The following FARS2 variants were observed in gnomAD, a reference collection of about 807,000 sequenced individuals.
The protein encoded by FARS2 is phenylalanyl-tRNA synthetase 2, mitochondrial.
A neutral mutation model predicts 46.4 loss-of-function variants in FARS2; 40 were observed. That is an observed-to-expected ratio of 0.86 (90% confidence interval 0.67 to 1.12). FARS2 has a LOEUF of 1.12. FARS2 is among the 50% of genes most tolerant of loss of function. The pLI is 0.00. For missense variants in FARS2, 513 were observed against 567.9 expected (o/e 0.90, Z 0.98); for synonymous variants, 234 against 214.9 (o/e 1.09, Z -0.78).
intron 4 of FARS2, among the ~76,000 whole-genome samples, chr6:5,532,023 A>G (rs749486428): frequency 1.3e-4 from 20 of 152,244 alleles, no homozygotes; most frequent in Admixed American, 2.6e-4. Context: ...TGTGTATATT[A>G]CAGTCAAATC....
chr6:5,595,205 G>T (rs971006513), intron 5 of FARS2, among the ~76,000 whole-genome samples: 5 of 152,166 alleles, frequency 3.3e-5, no homozygotes, highest in African/African-American at 1.2e-4. Flanking sequence ...CTCTGAGTTT[G>T]ACCCTTTAGC....
intron 6 of FARS2, among the ~76,000 whole-genome samples, chr6:5,762,527 C>T (rs1762528615): frequency 6.6e-6 from 1 of 152,236 alleles, no homozygotes; most frequent in Non-Finnish European, 1.5e-5. Flanking sequence ...CAGGAGAAGT[C>T]ACAGGGAGTG....
chr6:5,667,813 A>G (rs1054540077), intron 6 of FARS2, among the ~76,000 whole-genome samples: 2 of 152,236 alleles, frequency 1.3e-5, no homozygotes, highest in African/African-American at 2.4e-5. Context: ...TTCTGGCTGC[A>G]TTTACAGTGG....
chr6:5,546,626 A>T (rs868343575), intron 5 of FARS2, among the ~76,000 whole-genome samples: 1 of 151,746 alleles, frequency 6.6e-6, no homozygotes, highest in Non-Finnish European at 1.5e-5. Flanking sequence ...AGACCATTTG[A>T]TCCTATGCCA....
chr6:5,496,861 T>C (rs540933257), intron 4 of FARS2, among the ~76,000 whole-genome samples: 27 of 152,298 alleles, frequency 1.8e-4, no homozygotes, highest in African/African-American at 6.5e-4. Flanking sequence ...TAATTTTATT[T>C]TTTTAGAGGT....
chr6:5,415,613 T>C (rs1436391793), intron 3 of FARS2, among the ~76,000 whole-genome samples: 1 of 151,936 alleles, frequency 6.6e-6, no homozygotes, highest in Non-Finnish European at 1.5e-5. Context: ...CACCGCTCCC[T>C]GCCTAATTTG....
At position 5,771,293 on chromosome 6, in the gene FARS2, C is replaced by T. The variant is rs372054960; in HGVS notation, c.1220C>T (p.Thr407Met). The part of the protein sequence containing the change: ...DLIDKFVHPK[T>M]HKTSHCYRIT... ...CTGTGTTCTCTTCCTCTCTGTAGGA[C>T]GCACAAGACCAGCCACTGCTACCGC... Residue 407 changes from threonine (T) to methionine (M), a missense_variant and splice_region_variant, in exon 7 of 7, where the codon ACG becomes ATG. Physicochemically the swap from Thr to Met is moderately conservative, Grantham distance 81. Transcript: ENST00000274680. The T allele has an allele frequency of 2.2e-5, 35 of 1,613,972 alleles. No homozygotes were observed. In the East Asian group the frequency reaches 2.2e-4, roughly 10 times the overall value.
intron 2 of FARS2, among the ~76,000 whole-genome samples, chr6:5,381,233 G>A (rs930662513): frequency 4.0e-5 from 6 of 151,832 alleles, no homozygotes; most frequent in Admixed American, 6.6e-5. Flanking sequence ...TCCTGACCTC[G>A]TTATCCGCCC....
At chr6:5,568,858 T>C (rs1228852050) in intron 5 of FARS2, among the ~76,000 whole-genome samples, 1 of 152,142 alleles carries the variant, frequency 6.6e-6, no homozygotes, top group African/African-American at 2.4e-5. Flanking sequence ...GAAGAAATGA[T>C]GTGATATCAT....
chr6:5,726,270 G>A (rs1040555455), intron 6 of FARS2, among the ~76,000 whole-genome samples: 15 of 152,044 alleles, frequency 9.9e-5, no homozygotes, highest in African/African-American at 3.1e-4. Flanking sequence ...CTGCCCACGC[G>A]TAGACTTGGG....
In FARS2 at chr6:5,474,229, C is replaced by T. The variant is rs74645435; in HGVS notation, c.904+43057C>T. Among the ~76,000 whole-genome samples, 763 of 152,300 alleles carry T rather than the reference C, an allele frequency of 5.0e-3. 4 individuals are homozygous for T. The highest frequency in any genetic ancestry group is 0.017 in the African/African-American group (722 of 41,566). On this transcript the variant is annotated intron_variant, in intron 4 of 6. Coordinates refer to ENST00000274680, the MANE Select transcript of FARS2 (RefSeq NM_006567.5). ...CTTCAGTAACCAGGGCCAGCCAGCA[C>T]GGTTTGTTCATTTGTTTGTTCATTA...
chr6:5,422,373 T>G (rs935869546), intron 3 of FARS2, among the ~76,000 whole-genome samples: 23 of 151,868 alleles, frequency 1.5e-4, no homozygotes, highest in Non-Finnish European at 2.5e-4. Flanking sequence ...TCTCTCTCTC[T>G]CTCTCTTTTT....
At chr6:5,713,227 A>G (rs919852348) in intron 6 of FARS2, among the ~76,000 whole-genome samples, 2 of 152,248 alleles carry the variant, frequency 1.3e-5, no homozygotes, top group Non-Finnish European at 2.9e-5. Context: ...AGGTTACACT[A>G]TGTACCTAGA....
At chr6:5,663,406 T>A (rs767894631) in intron 6 of FARS2, among the ~76,000 whole-genome samples, 1 of 152,252 alleles carries the variant, frequency 6.6e-6, no homozygotes, top group Non-Finnish European at 1.5e-5. Context: ...GCCGTAAAGA[T>A]CTGGCATTAT....
intron 4 of FARS2, among the ~76,000 whole-genome samples, chr6:5,443,352 TC>T (rs1185608257): frequency 1.3e-5 from 2 of 152,226 alleles, no homozygotes; most frequent in African/African-American, 4.8e-5. Context: ...GTAGTATTGT[TC>T]CAAGTTCTTC....
chr6:5,548,011 G>A (rs1048075604), intron 5 of FARS2, among the ~76,000 whole-genome samples: 15 of 152,244 alleles, frequency 9.9e-5, no homozygotes, highest in Non-Finnish European at 2.1e-4. Flanking sequence ...CCACATGGCT[G>A]GGGAGGCCTC....
intron 4 of FARS2, among the ~76,000 whole-genome samples, chr6:5,438,234 TACCCACC>T (rs1763638834): frequency 9.8e-5 from 3 of 30,598 alleles, no homozygotes; most frequent in African/African-American, 1.9e-4. Context: ...TCAAGGCTTC[TACCCACC>T]CCCCGCCCCC....
At chr6:5,687,520 A>G (rs185668484) in intron 6 of FARS2, among the ~76,000 whole-genome samples, 1 of 152,038 alleles carries the variant, frequency 6.6e-6, no homozygotes, top group Non-Finnish European at 1.5e-5. Flanking sequence ...GATATGCGGC[A>G]TTATTTCTGA....
chr6:5,512,216 G>C (rs1768502269), intron 4 of FARS2, among the ~76,000 whole-genome samples: 1 of 152,118 alleles, frequency 6.6e-6, no homozygotes, highest in Non-Finnish European at 1.5e-5. Flanking sequence ...GGGTGGGCTT[G>C]CTTCTGATTC....
Sources: allele counts gnomAD v4.1 joint callset (sites outside exome capture counted in the v4.1 genomes callset), GRCh38; gene constraint gnomAD v4.1.1; transcripts MANE v1.5; gene names NCBI Gene and HGNC (gene_info 2026-07-23, HGNC 2026-07-21).